The following RPSA2 variants were observed in gnomAD, a reference collection of about 807,000 sequenced individuals.
The protein encoded by RPSA2 is small ribosomal subunit protein uS2B.
chr19:23,867,599 G>A, the RPSA2 span, among the ~76,000 whole-genome samples: 2 of 152,180 alleles, frequency 1.3e-5, no homozygotes, highest in Admixed American at 6.5e-5. Flanking sequence ...GGGAGGCAGA[G>A]GCGGGTGGAT....
At chr19:23,793,323 T>G in the RPSA2 span, among the ~76,000 whole-genome samples, 10 of 151,598 alleles carry the variant, frequency 6.6e-5, no homozygotes, top group African/African-American at 2.4e-4. Context: ...CCACCTTTTT[T>G]CTTGGTTCAA....
chr19:23,856,916 G>C, the RPSA2 span, among the ~76,000 whole-genome samples: 1 of 152,112 alleles, frequency 6.6e-6, no homozygotes, highest in Non-Finnish European at 1.5e-5. Flanking sequence ...AGCGGTGCAC[G>C]TATTGTCTTG....
At chr19:23,763,461 G>A in the RPSA2 span, among the ~76,000 whole-genome samples, 1 of 152,160 alleles carries the variant, frequency 6.6e-6, no homozygotes, top group Admixed American at 6.5e-5. Flanking sequence ...GCAGCCTATG[G>A]GGCTCCCAGT....
chr19:23,822,681 C>T, the RPSA2 span, among the ~76,000 whole-genome samples: 1 of 152,178 alleles, frequency 6.6e-6, no homozygotes, highest in Non-Finnish European at 1.5e-5. Context: ...ATCTTGACTT[C>T]CTTCTTCACC....
chr19:23,834,380 T>C, the RPSA2 span, among the ~76,000 whole-genome samples: 2 of 151,996 alleles, frequency 1.3e-5, no homozygotes, highest in Non-Finnish European at 2.9e-5. Context: ...CTGGACAAAA[T>C]ATATGAGAGA....
chr19:23,785,131 ACT>A, the RPSA2 span, among the ~76,000 whole-genome samples: 2 of 151,772 alleles, frequency 1.3e-5, no homozygotes, highest in Non-Finnish European at 2.9e-5. Context: ...AAAAGAAGTG[ACT>A]CTTTTTCCAG....
the RPSA2 span, among the ~76,000 whole-genome samples, chr19:23,868,011 A>G: frequency 6.6e-6 from 1 of 152,158 alleles, no homozygotes; most frequent in Non-Finnish European, 1.5e-5. Flanking sequence ...GAATAATTGG[A>G]TGCAGGACAT....
chr19:23,785,976 T>G, the RPSA2 span, among the ~76,000 whole-genome samples: 1 of 152,232 alleles, frequency 6.6e-6, no homozygotes, highest in East Asian at 1.9e-4. Flanking sequence ...GTGGTTCTCA[T>G]GTGCACACCC....
At chr19:23,858,591 C>CT in the RPSA2 span, among the ~76,000 whole-genome samples, 1 of 152,130 alleles carries the variant, frequency 6.6e-6, no homozygotes, top group East Asian at 1.9e-4. Context: ...CAAATTATTT[C>CT]TTTTTTGACA....
the RPSA2 span, among the ~76,000 whole-genome samples, chr19:23,823,099 A>C: frequency 6.6e-6 from 1 of 152,148 alleles, no homozygotes; most frequent in Non-Finnish European, 1.5e-5. Flanking sequence ...CATTTCCTTC[A>C]GCTGGCCATC....
the RPSA2 span, among the ~76,000 whole-genome samples, chr19:23,840,390 G>C: frequency 6.6e-6 from 1 of 152,098 alleles, no homozygotes; most frequent in Non-Finnish European, 1.5e-5. Context: ...TATTCCCTTT[G>C]TTGACAGATC....
the RPSA2 span, among the ~76,000 whole-genome samples, chr19:23,807,375 T>C: frequency 6.6e-6 from 1 of 152,174 alleles, no homozygotes; most frequent in Admixed American, 6.5e-5. Flanking sequence ...TCAGATCTCC[T>C]GAAAAAATAA....
At chr19:23,786,816 AC>A in the RPSA2 span, among the ~76,000 whole-genome samples, 1 of 151,966 alleles carries the variant, frequency 6.6e-6, no homozygotes, top group South Asian at 2.1e-4. Context: ...TGAACTCAAC[AC>A]CTAAGGGATG....
chr19:23,867,700 G>A, the RPSA2 span, among the ~76,000 whole-genome samples: 1 of 152,040 alleles, frequency 6.6e-6, no homozygotes, highest in African/African-American at 2.4e-5. Flanking sequence ...CGTGGTGGCG[G>A]GCGCCTGTAG....
the RPSA2 span, among the ~76,000 whole-genome samples, chr19:23,808,150 T>A: frequency 7.2e-5 from 11 of 152,306 alleles, no homozygotes; most frequent in Non-Finnish European, 7.3e-5. Context: ...CACTTTAGAT[T>A]ATTGGTAATT....
At chr19:23,784,041 G>A in the RPSA2 span, among the ~76,000 whole-genome samples, 2 of 152,164 alleles carry the variant, frequency 1.3e-5, no homozygotes, top group South Asian at 2.1e-4. Context: ...TCTTGTGTTT[G>A]TTCTCTACCC....
the RPSA2 span, among the ~76,000 whole-genome samples, chr19:23,828,327 T>C: frequency 1.9e-3 from 282 of 146,992 alleles, no homozygotes; most frequent in Non-Finnish European, 3.2e-3. Context: ...TTCTTTCTTT[T>C]TTTTTTTTTA....
At chr19:23,823,202 G>T in the RPSA2 span, among the ~76,000 whole-genome samples, 2 of 152,286 alleles carry the variant, frequency 1.3e-5, no homozygotes, top group African/African-American at 4.8e-5. Context: ...CTTTCTTAAA[G>T]TTCCTTAACA....
chr19:23,841,869 C>T, the RPSA2 span, among the ~76,000 whole-genome samples: 107 of 152,290 alleles, frequency 7.0e-4, no homozygotes, highest in Non-Finnish European at 1.1e-3. Flanking sequence ...TCAGGCTGAA[C>T]CAGATGTTTA....
Sources: allele counts gnomAD v4.1 joint callset (sites outside exome capture counted in the v4.1 genomes callset), GRCh38; gene constraint gnomAD v4.1.1; transcripts MANE v1.5; gene names NCBI Gene and HGNC (gene_info 2026-07-23, HGNC 2026-07-21).